The following TENM2 variants were observed in gnomAD, a reference collection of about 807,000 sequenced individuals.
TENM2 encodes teneurin-2.
Under a neutral mutation model 245.2 loss-of-function variants are expected in TENM2, and 52 were observed. The observed-to-expected ratio is 0.21, with a 90% CI of 0.17 to 0.27. TENM2 has a LOEUF of 0.27. Ranked by LOEUF, TENM2 falls within the 10% of genes least tolerant of loss-of-function variation. TENM2 has a pLI of 1.00. For synonymous variants in TENM2, 1,363 were observed against 1,438.9 expected, an observed-to-expected ratio of 0.95 and a Z score of 1.19; for missense variants, 3,046 against 3,666.8, an observed-to-expected ratio of 0.83 and a Z score of 4.37.
intron 12 of TENM2, among the ~76,000 whole-genome samples, chr5:168,145,612 T>C (rs1300093512): frequency 1.1e-4 from 17 of 151,836 alleles, no homozygotes; most frequent in African/African-American, 3.4e-4. Context: ...AGTCAGGTAG[T>C]GTGATGCCTC....
chr5:167,138,507 G>A, the TENM2 span, among the ~76,000 whole-genome samples: 7 of 152,246 alleles, frequency 4.6e-5, no homozygotes, highest in South Asian at 2.1e-4. Flanking sequence ...TTGGTCTGTC[G>A]CTTACAAACT....
At chr5:168,175,443 G>A (rs1759270180) in intron 13 of TENM2, among the ~76,000 whole-genome samples, 1 of 152,142 alleles carries the variant, frequency 6.6e-6, no homozygotes, top group Non-Finnish European at 1.5e-5. Flanking sequence ...CAGAGGTCAT[G>A]AACCGGTGAC....
At chr5:168,174,881 G>A (rs1759209385) in intron 13 of TENM2, among the ~76,000 whole-genome samples, 1 of 152,188 alleles carries the variant, frequency 6.6e-6, no homozygotes, top group Non-Finnish European at 1.5e-5. Context: ...CAAGAGTGTT[G>A]GAATAAACGA....
chr5:167,017,864 A>G, the TENM2 span, among the ~76,000 whole-genome samples: 2 of 152,178 alleles, frequency 1.3e-5, no homozygotes, highest in African/African-American at 4.8e-5. Context: ...TTAAATTAAC[A>G]TTACCGTTGT....
chr5:168,057,090 T>C (rs1033227402), intron 6 of TENM2, among the ~76,000 whole-genome samples: 5 of 152,140 alleles, frequency 3.3e-5, no homozygotes, highest in African/African-American at 4.8e-5. Context: ...TATGTACATA[T>C]ATATGAGTAA....
chr5:167,443,432 T>C (rs1764978213), intron 2 of TENM2, among the ~76,000 whole-genome samples: 2 of 152,208 alleles, frequency 1.3e-5, no homozygotes, highest in African/African-American at 4.8e-5. Context: ...TAACAGACCA[T>C]CTGATGCTAA....
At chr5:167,866,594 C>T (rs961986200) in intron 2 of TENM2, among the ~76,000 whole-genome samples, 1 of 151,586 alleles carries the variant, frequency 6.6e-6, no homozygotes, top group African/African-American at 2.4e-5. Context: ...TTCAAAAGGA[C>T]AGTTGTTTCG....
chr5:168,185,946 A>T lies in TENM2; in HGVS notation c.2570-4391A>T, dbSNP rs373035919. On this transcript the variant is annotated intron_variant, in intron 13 of 28. Transcript: ENST00000518659. ...TATATATATATATATATATATATAT[A>T]TATATATATATATATATATTTGAAT... Among the ~76,000 whole-genome samples, 10 of 4,682 alleles carry T rather than the reference A, an allele frequency of 2.1e-3. No individual in the cohort carries two copies. In the East Asian group the frequency reaches 0.076, roughly 35 times the overall value. The allele number at this position is 4,682 out of a possible 152,430, so 3.1% of individuals were successfully genotyped here.
At chr5:167,302,233 T>C (rs986361230) in intron 1 of TENM2, among the ~76,000 whole-genome samples, 20 of 152,162 alleles carry the variant, frequency 1.3e-4, no homozygotes, top group African/African-American at 4.8e-4. Flanking sequence ...TTGGAACTAC[T>C]GTCGAGTTTA....
At chr5:168,204,455 C>T (rs566693489) in exon 19 of TENM2, 120 of 1,613,864 alleles carry the variant, frequency 7.4e-5, no homozygotes, top group Non-Finnish European at 9.2e-5. Flanking sequence ...CAATGGTCGC[C>T]GCCGGAGCAT....
chr5:167,425,560 T>G (rs1223023902), intron 2 of TENM2, among the ~76,000 whole-genome samples: 1 of 152,216 alleles, frequency 6.6e-6, no homozygotes, highest in African/African-American at 2.4e-5. Context: ...ATTCTTGTAT[T>G]TTCCTCTTAG....
chr5:167,040,592 C>T, the TENM2 span, among the ~76,000 whole-genome samples: 3 of 151,994 alleles, frequency 2.0e-5, no homozygotes, highest in African/African-American at 7.2e-5. Flanking sequence ...CACTTATGGA[C>T]CTCATGTCTG....
At chr5:168,227,466 C>G (rs1764308302) in intron 24 of TENM2, among the ~76,000 whole-genome samples, 1 of 149,878 alleles carries the variant, frequency 6.7e-6, no homozygotes, top group Non-Finnish European at 1.5e-5. Flanking sequence ...GACCAGCAAC[C>G]TTGGGTTAGA....
At chr5:168,259,364 G>A (rs1056333271) in intron 27 of TENM2, among the ~76,000 whole-genome samples, 5 of 152,022 alleles carry the variant, frequency 3.3e-5, no homozygotes, top group Admixed American at 1.3e-4. Flanking sequence ...GAGGAGGGCG[G>A]ATCACCTGAG....
At chr5:167,912,807 CA>C (rs1776649857) in intron 3 of TENM2, among the ~76,000 whole-genome samples, 1 of 152,114 alleles carries the variant, frequency 6.6e-6, no homozygotes, top group Non-Finnish European at 1.5e-5. Flanking sequence ...TATAGAAATT[CA>C]AAATACCTTT....
intron 2 of TENM2, among the ~76,000 whole-genome samples, chr5:167,830,486 C>T (rs1768370467): frequency 1.3e-5 from 2 of 152,084 alleles, no homozygotes; most frequent in Non-Finnish European, 2.9e-5. Context: ...AATTAATATC[C>T]TAAGCACCTG....
intron 2 of TENM2, among the ~76,000 whole-genome samples, chr5:167,454,509 T>C (rs1212147660): frequency 6.6e-6 from 1 of 151,940 alleles, no homozygotes; most frequent in African/African-American, 2.4e-5. Context: ...TCTGTATTTC[T>C]CATCTCTGTG....
chr5:167,794,563 G>T (rs1765194496), intron 2 of TENM2, among the ~76,000 whole-genome samples: 1 of 152,142 alleles, frequency 6.6e-6, no homozygotes, highest in Non-Finnish European at 1.5e-5. Flanking sequence ...ATATGACAAG[G>T]GTCAAATTCA....
chr5:166,992,515 G>C, the TENM2 span, among the ~76,000 whole-genome samples: 14 of 152,148 alleles, frequency 9.2e-5, no homozygotes, highest in African/African-American at 3.4e-4. Flanking sequence ...ACAAATAAAT[G>C]GTCCTGTAGA....
Sources: gnomAD v4.1 joint callset for allele counts (sites outside exome capture counted in the v4.1 genomes callset) on GRCh38, gnomAD v4.1.1 for gene constraint, MANE v1.5 for transcripts, NCBI Gene and HGNC (gene_info 2026-07-23, HGNC 2026-07-21) for gene names.